HPSE2: variants seen among roughly 807,000 people sequenced by gnomAD.
The protein encoded by HPSE2 is heparanase 2 (inactive), also known as inactive heparanase-2.
Under a neutral mutation model 60.5 loss-of-function variants are expected in HPSE2, and 38 were observed. The observed-to-expected ratio is 0.63, with a 90% CI of 0.48 to 0.82. The LOEUF is 0.82. HPSE2 is among the 40% of genes least tolerant of loss of function. HPSE2 has a pLI of 0.00. For missense variants in HPSE2, 713 were observed against 740.4 expected (o/e 0.96, Z 0.43); for synonymous variants, 295 against 293.2 (o/e 1.01, Z -0.06).
At position 98,933,716 on chromosome 10, in the gene HPSE2, A is replaced by G. The variant is rs575627155; in HGVS notation, c.611-189660T>C. On this transcript the variant is annotated intron_variant, in intron 3 of 11. Transcript: ENST00000370552. ...ACTTTAACATTATGTAATGCCCTTC[A>G]TTGCCTTTTTCTTTTTCTTTTCTTT... 2.9e-5 allele frequency among the ~76,000 whole-genome samples: 4 copies of G among 138,614 alleles called. No homozygotes were observed. In the South Asian group the frequency reaches 8.6e-4, roughly 30 times the overall value. The allele number at this position is 138,614 out of a possible 152,430, so 90.9% of individuals were successfully genotyped here. A position where few individuals can be genotyped will look rare whatever the true frequency, so the allele number is the denominator to read the frequency against.
At chr10:98,590,718 T>C (rs1022823774) in intron 9 of HPSE2, among the ~76,000 whole-genome samples, 5 of 151,996 alleles carry the variant, frequency 3.3e-5, no homozygotes, top group African/African-American at 1.2e-4. Flanking sequence ...ACCAGGAAAA[T>C]GAAATTTATG....
At chr10:98,543,174 C>G (rs1943534499) in intron 9 of HPSE2, among the ~76,000 whole-genome samples, 1 of 152,086 alleles carries the variant, frequency 6.6e-6, no homozygotes, top group South Asian at 2.1e-4. Context: ...GGCCAATATT[C>G]AACATTCTTA....
chr10:99,205,189 G>A (rs1307084933), intron 2 of HPSE2, among the ~76,000 whole-genome samples: 1 of 152,160 alleles, frequency 6.6e-6, no homozygotes, highest in Non-Finnish European at 1.5e-5. Flanking sequence ...GTCCCTACCA[G>A]TATGTAACAT....
chr10:99,193,925 C>CT (rs766100490), intron 2 of HPSE2, among the ~76,000 whole-genome samples: 1 of 152,072 alleles, frequency 6.6e-6, no homozygotes, highest in Non-Finnish European at 1.5e-5. Flanking sequence ...TTAATCTGCA[C>CT]TAGAGACCCA....
intron 3 of HPSE2, among the ~76,000 whole-genome samples, chr10:99,007,966 C>T (rs556453747): frequency 6.6e-6 from 1 of 152,150 alleles, no homozygotes; most frequent in Non-Finnish European, 1.5e-5. Context: ...TGCATAATTC[C>T]AAGTCACTCA....
At chr10:98,793,450 C>T (rs1409328761) in intron 3 of HPSE2, among the ~76,000 whole-genome samples, 4 of 152,120 alleles carry the variant, frequency 2.6e-5, no homozygotes, top group Non-Finnish European at 5.9e-5. Flanking sequence ...TAAATGTATC[C>T]ATCCATTCAA....
intron 3 of HPSE2, among the ~76,000 whole-genome samples, chr10:98,981,723 C>T (rs919682966): frequency 3.3e-5 from 5 of 152,182 alleles, no homozygotes; most frequent in Admixed American, 2.0e-4. Flanking sequence ...TCCTTCTCCC[C>T]TTCTAACCCC....
intron 9 of HPSE2, among the ~76,000 whole-genome samples, chr10:98,535,606 A>G (rs561125817): frequency 4.7e-4 from 72 of 152,298 alleles, no homozygotes; most frequent in African/African-American, 1.6e-3. Flanking sequence ...ATTGATATAT[A>G]TATCTCAGTC....
At chr10:99,156,105 T>C (rs1333521902) in intron 2 of HPSE2, among the ~76,000 whole-genome samples, 1 of 145,482 alleles carries the variant, frequency 6.9e-6, no homozygotes, top group African/African-American at 2.5e-5. Context: ...GTGGCAATAA[T>C]CAATAGTTTA....
intron 8 of HPSE2, among the ~76,000 whole-genome samples, chr10:98,616,564 T>C (rs1228312072): frequency 6.6e-6 from 1 of 152,214 alleles, no homozygotes; most frequent in Non-Finnish European, 1.5e-5. Flanking sequence ...TTTTATATTG[T>C]GAATAAATAT....
rs375533849 is a variant in HPSE2 at position 99,033,470 on chromosome 10, C to T, written c.610+110768G>A. Among the ~76,000 whole-genome samples the T allele has an allele frequency of 4.7e-3, 719 of 151,992 alleles. 5 individuals are homozygous for T. Among genetic ancestry groups the T allele is most frequent in the Non-Finnish European group, 8.3e-3 (567 of 67,974 alleles). On this transcript the variant is annotated intron_variant, in intron 3 of 11. Transcript: ENST00000370552. ...AAAACAATGATACAGTACTATATAC[C>T]TATTAGAAAAGCATTAAAAAACCAG...
intron 3 of HPSE2, among the ~76,000 whole-genome samples, chr10:99,110,363 C>T (rs183678656): frequency 3.9e-5 from 6 of 152,262 alleles, no homozygotes; most frequent in Non-Finnish European, 7.3e-5. Flanking sequence ...TGTGCAAAAG[C>T]TCCACCCTTG....
At chr10:98,555,117 A>G in intron 9 of HPSE2, among the ~76,000 whole-genome samples, 1 of 152,228 alleles carries the variant, frequency 6.6e-6, no homozygotes. Flanking sequence ...TTTAGGAGGT[A>G]CTGGTTTAGA....
chr10:98,669,407 C>T (rs775043153), intron 6 of HPSE2, among the ~76,000 whole-genome samples: 18 of 152,304 alleles, frequency 1.2e-4, no homozygotes, highest in Admixed American at 8.5e-4. Flanking sequence ...GAAAATAAAT[C>T]GTTCTACCAA....
At chr10:98,732,661 GC>G (rs1949256406) in intron 4 of HPSE2, among the ~76,000 whole-genome samples, 1 of 152,014 alleles carries the variant, frequency 6.6e-6, no homozygotes, top group African/African-American at 2.4e-5. Flanking sequence ...AAATGTAAGA[GC>G]TAAAACAATG....
At chr10:99,005,155 C>T (rs148951759) in intron 3 of HPSE2, among the ~76,000 whole-genome samples, 10 of 152,162 alleles carry the variant, frequency 6.6e-5, no homozygotes, top group African/African-American at 2.2e-4. Context: ...TGATTGAATA[C>T]CTTTGACCTT....
chr10:98,562,567 T>A (rs1212854825), intron 9 of HPSE2, among the ~76,000 whole-genome samples: 3 of 151,846 alleles, frequency 2.0e-5, no homozygotes, highest in African/African-American at 7.3e-5. Flanking sequence ...ATACAAAAAT[T>A]AGCCGGGCGT....
intron 6 of HPSE2, among the ~76,000 whole-genome samples, chr10:98,680,221 T>C (rs575275543): frequency 5.1e-4 from 77 of 152,288 alleles, no homozygotes; most frequent in African/African-American, 1.7e-3. Flanking sequence ...AAATATTTAG[T>C]TGCAAACATG....
intron 9 of HPSE2, among the ~76,000 whole-genome samples, chr10:98,497,365 T>C (rs1389469744): frequency 6.6e-6 from 1 of 152,172 alleles, no homozygotes; most frequent in Non-Finnish European, 1.5e-5. Context: ...TGACATTAAA[T>C]GAGGACTTTG....
Sources: gnomAD v4.1 joint callset for allele counts (sites outside exome capture counted in the v4.1 genomes callset) on GRCh38, gnomAD v4.1.1 for gene constraint, MANE v1.5 for transcripts, NCBI Gene and HGNC (gene_info 2026-07-23, HGNC 2026-07-21) for gene names.